Variants in NRCAM observed in about 807,000 individuals in gnomAD.
The protein encoded by NRCAM is neuronal cell adhesion molecule, also known as NgCAM-related cell adhesion molecule.
Under a neutral mutation model 156.5 loss-of-function variants are expected in NRCAM, and 83 were observed. That is an observed-to-expected ratio of 0.53 (90% CI 0.44 to 0.64). NRCAM has a LOEUF of 0.64. Among genes scored for constraint, NRCAM ranks in the 30% least tolerant of loss-of-function variants. The pLI, the probability that NRCAM is intolerant of heterozygous loss-of-function variation, is 0.00. For synonymous variants in NRCAM, 538 were observed against 563.9 expected, an observed-to-expected ratio of 0.95 and a Z score of 0.65; for missense variants, 1,417 against 1,597.3, an observed-to-expected ratio of 0.89 and a Z score of 1.92.
intron 3 of NRCAM, among the ~76,000 whole-genome samples, chr7:108,312,353 A>AT (rs2098813869): frequency 1.3e-5 from 2 of 151,936 alleles, no homozygotes; most frequent in African/African-American, 4.8e-5. Context: ...CTTTATAAAC[A>AT]TTTTTACTAG....
intron 2 of NRCAM, among the ~76,000 whole-genome samples, chr7:108,370,398 G>A (rs760330117): frequency 2.6e-5 from 4 of 152,076 alleles, no homozygotes; most frequent in East Asian, 1.9e-4. Context: ...AACATAGAAT[G>A]TTTTCATGTA....
intron 1 of NRCAM, among the ~76,000 whole-genome samples, chr7:108,440,160 A>T (rs1166395415): frequency 6.6e-6 from 1 of 152,176 alleles, no homozygotes; most frequent in African/African-American, 2.4e-5. Flanking sequence ...TGGTATCTAC[A>T]TACCAGGGAA....
Position 108,223,824 on chromosome 7 carries a change from C to T in NRCAM, c.791G>A (p.Arg264Lys), listed in dbSNP as rs772582324. ...AGTTAAAAATGTTGGTGGCCTCTCT[C>T]TACTTGATTTAGCTGCAAACAAGAA... ...DTEFYGAKSS[R>K]ERPPTFLTPE... Residue 264 changes from arginine to lysine, a missense_variant, in exon 11 of 33, where the codon AGA becomes AAA. By Grantham distance (26) the Arg-to-Lys change is conservative. Coordinates refer to ENST00000379028, the MANE Select transcript of NRCAM (RefSeq NM_001037132.4). The T allele has an allele frequency of 1.3e-6, 2 of 1,580,016 alleles. No individual in the cohort carries two copies. Among genetic ancestry groups the T allele is most frequent in the East Asian group, 4.5e-5 (2 of 44,610 alleles).
chr7:108,432,299 C>G (rs531377185), intron 1 of NRCAM, among the ~76,000 whole-genome samples: 1 of 152,358 alleles, frequency 6.6e-6, no homozygotes, highest in Admixed American at 6.5e-5. Context: ...GCTATTTCCA[C>G]TGACTCTTCA....
At chr7:108,280,835 A>C (rs2154087064) in intron 3 of NRCAM, among the ~76,000 whole-genome samples, 1 of 31,326 alleles carries the variant, frequency 3.2e-5, no homozygotes, top group Non-Finnish European at 6.1e-5. Flanking sequence ...CACTAATATC[A>C]AGTAAAAAAA....
intron 3 of NRCAM, among the ~76,000 whole-genome samples, chr7:108,268,208 G>A (rs1168138342): frequency 6.6e-6 from 1 of 152,168 alleles, no homozygotes; most frequent in Non-Finnish European, 1.5e-5. Flanking sequence ...ATTCGATTTT[G>A]TAGAATCATC....
chr7:108,394,268 G>C (rs1181808335), intron 2 of NRCAM, among the ~76,000 whole-genome samples: 1 of 152,140 alleles, frequency 6.6e-6, no homozygotes, highest in Non-Finnish European at 1.5e-5. Flanking sequence ...CTTCAGTCAG[G>C]AAAGGGCAGG....
chr7:108,211,464 C>A (rs1301816098), intron 11 of NRCAM, among the ~76,000 whole-genome samples: 1 of 152,182 alleles, frequency 6.6e-6, no homozygotes, highest in African/African-American at 2.4e-5. Context: ...TCTTTTGCCG[C>A]TGGGAGGTGG....
rs780338801 is a variant in NRCAM, at chr7:108,191,216, T to C, written c.1933+38A>G. Reference sequence around the variant, plus strand: ...TACTTTCTGCAAATGTGAAATTGTTTGACAGAAAACAGAGAAAGAAGACTC... The same window carrying C: ...TACTTTCTGCAAATGTGAAATTGTTCGACAGAAAACAGAGAAAGAAGACTC... On this transcript the variant is annotated intron_variant, in intron 19 of 32. Coordinates refer to ENST00000379028, the MANE Select transcript of NRCAM (RefSeq NM_001037132.4). 54 of 1,556,718 alleles carry C rather than the reference T, an allele frequency of 3.5e-5. 2 individuals carry two copies. In the South Asian group the frequency reaches 6.2e-4, roughly 18 times the overall value.
chr7:108,158,505 G>A (rs1344981929), intron 32 of NRCAM, among the ~76,000 whole-genome samples: 1 of 152,078 alleles, frequency 6.6e-6, no homozygotes, highest in Non-Finnish European at 1.5e-5. Flanking sequence ...GAGCTCTAGA[G>A]ACAGGTAAAA....
chr7:108,394,562 T>A (rs11979596), intron 2 of NRCAM, among the ~76,000 whole-genome samples: 37,571 of 152,108 alleles, frequency 0.25, 4,934 homozygotes, highest in Non-Finnish European at 0.28. Context: ...TTCTCTGTGA[T>A]ACACACATAC....
chr7:108,391,981 A>G (rs2099761649), intron 2 of NRCAM, among the ~76,000 whole-genome samples: 1 of 152,120 alleles, frequency 6.6e-6, no homozygotes, highest in South Asian at 2.1e-4. Context: ...TGGTAACCCA[A>G]CCTTTCTCTC....
intron 1 of NRCAM, among the ~76,000 whole-genome samples, chr7:108,444,930 C>G (rs980474649): frequency 3.3e-5 from 5 of 152,196 alleles, no homozygotes; most frequent in Non-Finnish European, 7.3e-5. Context: ...CATCTCTTCA[C>G]TGAGGTGCAG....
At chr7:108,307,714 T>G (rs1289381057) in intron 3 of NRCAM, among the ~76,000 whole-genome samples, 1 of 151,908 alleles carries the variant, frequency 6.6e-6, no homozygotes, top group Non-Finnish European at 1.5e-5. Flanking sequence ...TATTTGTGTA[T>G]GCAGTCAGTT....
At chr7:108,153,677 A>G (rs60995779) in intron 32 of NRCAM, among the ~76,000 whole-genome samples, 2 of 152,078 alleles carry the variant, frequency 1.3e-5, no homozygotes, top group Non-Finnish European at 2.9e-5. Context: ...ATGATTGTGC[A>G]TATAAAAAAT....
At chr7:108,181,779 A>G in intron 24 of NRCAM, 43 bp downstream of exon 24, 1 of 1,349,512 alleles carries the variant, frequency 7.4e-7, no homozygotes, top group Non-Finnish European at 1.1e-6. Context: ...CATTCGCTGC[A>G]GCCCTTACTA....
At chr7:108,245,458 C>A (rs978458007) in intron 3 of NRCAM, among the ~76,000 whole-genome samples, 14 of 152,210 alleles carry the variant, frequency 9.2e-5, no homozygotes, top group African/African-American at 3.4e-4. Context: ...ACTTCTACCA[C>A]ATGCGGGCCC....
intron 14 of NRCAM, among the ~76,000 whole-genome samples, chr7:108,196,775 TTATTTATAC>T (rs2153479797): frequency 6.6e-6 from 1 of 152,282 alleles, no homozygotes; most frequent in South Asian, 2.1e-4. Context: ...ACTATAAAGA[TTATTTATAC>T]TGTTTATACT....
chr7:108,438,329 A>G (rs1377893852), intron 1 of NRCAM, among the ~76,000 whole-genome samples: 4 of 152,160 alleles, frequency 2.6e-5, no homozygotes, highest in Non-Finnish European at 5.9e-5. Context: ...GTACAATATG[A>G]CCAAGTGGGA....
Sources: gnomAD v4.1 joint callset for allele counts (sites outside exome capture counted in the v4.1 genomes callset) on GRCh38, gnomAD v4.1.1 for gene constraint, MANE v1.5 for transcripts, NCBI Gene and HGNC (gene_info 2026-07-23, HGNC 2026-07-21) for gene names.